GATAD2A: variants seen among roughly 807,000 people sequenced by gnomAD.
The protein encoded by GATAD2A is GATA zinc finger domain containing 2A.
A neutral mutation model predicts 68.5 loss-of-function variants in GATAD2A; 12 were observed. The ratio of observed to expected loss-of-function variants is 0.18; its 90% CI spans 0.11 to 0.28. The LOEUF (loss-of-function observed/expected upper bound fraction) is 0.28, where lower values mean the gene tolerates loss of function less well. Among genes scored for constraint, GATAD2A ranks in the 10% least tolerant of loss-of-function variants. The pLI, the probability that GATAD2A is intolerant of heterozygous loss-of-function variation, is 1.00. For missense variants in GATAD2A, 755 were observed against 868.5 expected, an observed-to-expected ratio of 0.87 and a Z score of 1.64; for synonymous variants, 410 against 375.3, an observed-to-expected ratio of 1.09 and a Z score of -1.07.
intron 1 of GATAD2A, among the ~76,000 whole-genome samples, chr19:19,448,208 C>CA (rs992095198): frequency 2.0e-5 from 3 of 152,266 alleles, no homozygotes; most frequent in African/African-American, 7.2e-5. Context: ...CTCTGGTCCC[C>CA]ATTTACCTGT....
At position 19,508,330 on chromosome 19, in the gene GATAD2A, C is replaced by A. The variant is rs563060169; in HGVS notation, c.*2856C>A. The A allele has an allele frequency of 5.3e-5, 8 of 152,330 alleles. No homozygotes were observed. Among genetic ancestry groups the A allele is most frequent in the African/African-American group, 1.9e-4 (8 of 41,450 alleles). 9.4% of individuals were successfully genotyped at this position (152,330 alleles called of 1,614,324 possible). On this transcript the variant is annotated 3_prime_UTR_variant, in exon 12 of 12. Transcript: ENST00000683918. ...TCCTGACCTCATCCCAGGAACTCTACGGTGACCAGGAACCACCCCTCTGAC... is the reference window on the plus strand; with the variant it reads ...TCCTGACCTCATCCCAGGAACTCTAAGGTGACCAGGAACCACCCCTCTGAC...
chr19:19,404,117 G>C (rs1458156548), upstream of GATAD2A, among the ~76,000 whole-genome samples: 1 of 152,082 alleles, frequency 6.6e-6, no homozygotes, highest in Non-Finnish European at 1.5e-5. Flanking sequence ...GAAGATTTTG[G>C]GGGGCAGGGC....
chr19:19,484,017 G>A (rs1331737025), intron 2 of GATAD2A, among the ~76,000 whole-genome samples: 2 of 151,942 alleles, frequency 1.3e-5, no homozygotes, highest in African/African-American at 2.4e-5. Context: ...ACCACCCCTT[G>A]GGAAAGGAGG....
chr19:19,405,375 C>T (rs2050095604), upstream of GATAD2A, among the ~76,000 whole-genome samples: 1 of 152,228 alleles, frequency 6.6e-6, no homozygotes, highest in Admixed American at 6.5e-5. Context: ...GCGAGGTCAG[C>T]AGTGAGCGCG....
rs547573028 is a variant in GATAD2A at position 19,462,402 on chromosome 19, C to G, written c.-6-2938C>G. ...CCCCTGCACTCGGGGGCTGGCCCCA[C>G]CCCCTCCAGCTGTGCCTGTCCTTCC... On this transcript the variant is annotated intron_variant, in intron 1 of 11. Transcript: ENST00000683918. Among the ~76,000 whole-genome samples, 656 of 152,356 alleles carry G rather than the reference C, an allele frequency of 4.3e-3. 5 individuals carry two copies. Among genetic ancestry groups the G allele is most frequent in the Non-Finnish European group, 6.9e-3 (471 of 68,022 alleles).
chr19:19,490,864 G>A (rs555685662), intron 2 of GATAD2A, among the ~76,000 whole-genome samples: 6 of 152,244 alleles, frequency 3.9e-5, no homozygotes, highest in South Asian at 2.1e-4. Flanking sequence ...CAGCCTGGGC[G>A]ACAGAGCAAG....
chr19:19,442,245 T>A (rs994092870), intron 1 of GATAD2A, among the ~76,000 whole-genome samples: 2 of 152,134 alleles, frequency 1.3e-5, no homozygotes, highest in African/African-American at 4.8e-5. Flanking sequence ...TGGGGTTGTA[T>A]CAGAAGGACC....
At chr19:19,391,239 C>G (rs1287658227) in intron 1 of GATAD2A, among the ~76,000 whole-genome samples, 1 of 152,190 alleles carries the variant, frequency 6.6e-6, no homozygotes, top group Non-Finnish European at 1.5e-5. Context: ...AAAATCTGAA[C>G]TAGGCCCCTG....
intron 1 of GATAD2A, among the ~76,000 whole-genome samples, chr19:19,452,377 T>G (rs2056484238): frequency 6.6e-6 from 1 of 152,160 alleles, no homozygotes; most frequent in African/African-American, 2.4e-5. Context: ...CTGCCCATCT[T>G]GTGGGAAGCC....
chr19:19,504,459 T>C (rs904148897), intron 11 of GATAD2A, among the ~76,000 whole-genome samples: 1 of 152,082 alleles, frequency 6.6e-6, no homozygotes, highest in African/African-American at 2.4e-5. Context: ...TTGCGTTGGC[T>C]ACTTTGTGTG....
chr19:19,451,312 C>T (rs940460874), intron 1 of GATAD2A, among the ~76,000 whole-genome samples: 5 of 152,116 alleles, frequency 3.3e-5, no homozygotes, highest in African/African-American at 4.8e-5. Context: ...ACCCAGGAGG[C>T]GGATATTGCA....
At chr19:19,435,297 C>T (rs962202264) in intron 1 of GATAD2A, 9 of 323,182 alleles carry the variant, frequency 2.8e-5, no homozygotes, top group Non-Finnish European at 4.7e-5. Flanking sequence ...GATCTTGGCT[C>T]ACTGCAGCCT....
intron 2 of GATAD2A, among the ~76,000 whole-genome samples, chr19:19,474,321 T>G (rs2058521786): frequency 6.6e-6 from 1 of 152,170 alleles, no homozygotes; most frequent in Non-Finnish European, 1.5e-5. Flanking sequence ...TGTGCACCTG[T>G]GAGTCAAACC....
At chr19:19,424,509 T>C (rs1022269016) in intron 1 of GATAD2A, among the ~76,000 whole-genome samples, 5 of 152,038 alleles carry the variant, frequency 3.3e-5, no homozygotes, top group African/African-American at 1.2e-4. Context: ...GGATTACAGG[T>C]GTGAGACACT....
intron 1 of GATAD2A, among the ~76,000 whole-genome samples, chr19:19,413,432 T>C (rs1437005180): frequency 6.6e-6 from 1 of 152,174 alleles, no homozygotes; most frequent in Non-Finnish European, 1.5e-5. Context: ...TCATTTTCTG[T>C]CTTCTCATGT....
At position 19,502,062 on chromosome 19, in the gene GATAD2A, G is replaced by T; in HGVS notation, c.1578+19G>T. The T allele has an allele frequency of 6.3e-7, 1 of 1,597,394 alleles. No homozygotes were observed. Among genetic ancestry groups the T allele is most frequent in the South Asian group, 1.1e-5 (1 of 90,658 alleles). On this transcript the variant is annotated intron_variant, in intron 10 of 11. Coordinates refer to ENST00000683918, the MANE Select transcript of GATAD2A (RefSeq NM_001384528.1). The stretch of plus-strand genomic sequence containing the variant: ...GCTACAGGTCAGAACCGCACTGGGC[G>T]CCGGGAGCCTCGCGCCCCCACCGCA...
chr19:19,386,972 G>A (rs984448217), intron 1 of GATAD2A, among the ~76,000 whole-genome samples: 19 of 151,330 alleles, frequency 1.3e-4, no homozygotes, highest in Non-Finnish European at 2.7e-4. Context: ...GAGGACCCCC[G>A]CCTCTGAGGG....
intron 1 of GATAD2A, among the ~76,000 whole-genome samples, chr19:19,432,362 C>A (rs937570189): frequency 6.6e-6 from 1 of 152,046 alleles, no homozygotes; most frequent in African/African-American, 2.4e-5. Context: ...AGTGCAGTGG[C>A]TCAATTTCAG....
intron 1 of GATAD2A, among the ~76,000 whole-genome samples, chr19:19,414,702 CTT>C (rs576088323): frequency 3.6e-5 from 5 of 140,086 alleles, no homozygotes; most frequent in Non-Finnish European, 3.1e-5. Context: ...ACGCCCAGCT[CTT>C]TTTTTTTTTT....
Sources: allele counts gnomAD v4.1 joint callset (sites outside exome capture counted in the v4.1 genomes callset), GRCh38; gene constraint gnomAD v4.1.1; transcripts MANE v1.5; gene names NCBI Gene and HGNC (gene_info 2026-07-23, HGNC 2026-07-21).